Variants in PHF6 observed in about 807,000 individuals in gnomAD.
PHF6 encodes the protein PHD finger protein 6, also known as PHD-like zinc finger protein.
A neutral mutation model predicts 34.0 loss-of-function variants in PHF6; 7 were observed. The observed-to-expected ratio is 0.21, with a 90% CI of 0.12 to 0.39. The LOEUF (loss-of-function observed/expected upper bound fraction) is 0.39, where lower values mean the gene tolerates loss of function less well. PHF6 is among the 10% of genes least tolerant of loss of function. The probability of loss-of-function intolerance (pLI) is 1.00; values close to 1 mark genes in which losing one functional copy is unlikely to be tolerated. For synonymous variants in PHF6, 89 were observed against 88.4 expected, an observed-to-expected ratio of 1.01 and a Z score of -0.04; for missense variants, 128 against 262.8, an observed-to-expected ratio of 0.49 and a Z score of 3.55.
intron 5 of PHF6, among the ~76,000 whole-genome samples, chrX:134,409,586 A>G (rs1299958236): frequency 9.1e-6 from 1 of 109,755 alleles, no homozygotes; most frequent in Non-Finnish European, 1.9e-5. Flanking sequence ...AACATAGTCT[A>G]TCTCTCCATT....
chrX:134,404,025 G>T (rs1476422052), intron 5 of PHF6, among the ~76,000 whole-genome samples: 1 of 112,062 alleles, frequency 8.9e-6, no homozygotes, highest in South Asian at 3.7e-4. Flanking sequence ...CATTCATTCC[G>T]CAGTTCTTAG....
intron 3 of PHF6, among the ~76,000 whole-genome samples, chrX:134,387,196 G>C (rs947461035): frequency 5.4e-5 from 6 of 111,741 alleles, no homozygotes; most frequent in Non-Finnish European, 7.5e-5. Flanking sequence ...TGAATGTAAG[G>C]TCAAAGAGAA....
chrX:134,411,794 A>T (rs1164408710), intron 5 of PHF6, among the ~76,000 whole-genome samples: 1 of 111,508 alleles, frequency 9.0e-6, no homozygotes, highest in African/African-American at 3.3e-5. Context: ...GTGCAGTGGC[A>T]CAATCTCGGC....
rs750026737 is a variant in PHF6 at position 134,377,501 on chromosome X, C to A, written c.-46-71C>A. 5.3e-5 allele frequency: 43 copies of A among 811,837 alleles called. No individual in the cohort carries two copies. The South Asian group carries it at 7.2e-4, about 14-fold the overall frequency. 66.9% of individuals were successfully genotyped at this position (811,837 alleles called of 1,213,427 possible). Reference sequence around the variant, plus strand: ...ATTAAAACCTAGGTCAAATTTTTAACAACTTTCATGAATATGTATAAACTG... The same window carrying A: ...ATTAAAACCTAGGTCAAATTTTTAAAAACTTTCATGAATATGTATAAACTG... On this transcript the variant is annotated intron_variant, in intron 1 of 10. Transcript: ENST00000370803.
chrX:134,390,219 G>GAA (rs1569337524), intron 3 of PHF6, among the ~76,000 whole-genome samples: 2 of 111,851 alleles, frequency 1.8e-5, no homozygotes, highest in African/African-American at 3.2e-5. Flanking sequence ...GATAATTTTT[G>GAA]CTATTTTGTT....
At chrX:134,393,810 G>A in intron 4 of PHF6, 99 bp from the exon 5 acceptor site, 2 of 830,620 alleles carry the variant, frequency 2.4e-6, no homozygotes, top group Non-Finnish European at 3.6e-6. Flanking sequence ...TTTGAATCCA[G>A]CTAGTGAATT....
rs2077510793 is a variant in PHF6, at chrX:134,427,365, A to G, written c.*1705A>G. 6.2e-6 allele frequency: 1 copy of G among 160,320 alleles called. No individual in the cohort carries two copies. 13.2% of individuals were successfully genotyped at this position (160,320 alleles called of 1,213,427 possible). ...AGGATCTGTACTTTCTTTCCTTACAACAGCTTGAAAATCATTATTTTAAAA... is the reference window on the plus strand; with the variant it reads ...AGGATCTGTACTTTCTTTCCTTACAGCAGCTTGAAAATCATTATTTTAAAA... On this transcript the variant is annotated 3_prime_UTR_variant, in exon 11 of 11. Transcript: ENST00000370803.
At chrX:134,402,229 C>T (rs2124232013) in intron 5 of PHF6, among the ~76,000 whole-genome samples, 1 of 112,215 alleles carries the variant, frequency 8.9e-6, no homozygotes, top group Non-Finnish European at 1.9e-5. Context: ...CTCCTGACCT[C>T]GTGATCCGCC....
chrX:134,377,213 A>T (rs898515571), intron 1 of PHF6, among the ~76,000 whole-genome samples: 9 of 112,087 alleles, frequency 8.0e-5, no homozygotes, highest in African/African-American at 2.9e-4. Context: ...CAATTACTCT[A>T]AACTTCATTT....
chrX:134,380,700 C>T (rs1008783516), intron 3 of PHF6, among the ~76,000 whole-genome samples: 7 of 111,701 alleles, frequency 6.3e-5, no homozygotes, highest in Non-Finnish European at 1.1e-4. Flanking sequence ...TTCTCCAGGC[C>T]ATGTTTTCCT....
Position 134,377,739 on chromosome X carries a change from C to T in PHF6, c.122C>T (p.Ala41Val), listed in dbSNP as rs760978695. 1 of 1,208,623 alleles carries T rather than the reference C, an allele frequency of 8.3e-7. No homozygotes were observed. The highest frequency in any genetic ancestry group is 2.2e-5 in the Admixed American group (1 of 45,813). The change falls in exon 2 of 11, where the codon GCG (alanine) becomes GTG (valine). Residue 41 changes from alanine to valine, a missense_variant. Transcript: ENST00000370803. ...LLISENQKVA[A>V]HHKCMLFSSA... is the part of the protein sequence containing the mutation. ...ATATCTGAAAACCAGAAGGTGGCAG[C>T]GCACCATAAGTGCATGGTAAGTATA...
At chrX:134,406,106 CTTTCT>C (rs1197128082) in intron 5 of PHF6, among the ~76,000 whole-genome samples, 7 of 83,267 alleles carry the variant, frequency 8.4e-5, no homozygotes, top group African/African-American at 3.4e-4. Context: ...TTCTTTCTTT[CTTTCT>C]TTTTTTTTTT....
At chrX:134,381,197 A>G (rs2077305935) in intron 3 of PHF6, among the ~76,000 whole-genome samples, 1 of 111,040 alleles carries the variant, frequency 9.0e-6, no homozygotes, top group South Asian at 3.8e-4. Flanking sequence ...TTCCCTTAGA[A>G]TGTCAGTTTA....
chrX:134,427,859 G>A lies in PHF6; in HGVS notation c.*2199G>A. ...ATGCTGAGTAAAAGTGCCTTACAAT[G>A]TAAAAATTGTACAGTACTTATGTTC... is the stretch of plus-strand genomic sequence containing the variant. On this transcript the variant is annotated 3_prime_UTR_variant, in exon 11 of 11. Transcript: ENST00000370803. 1 of 158,798 alleles carries A rather than the reference G, an allele frequency of 6.3e-6. No homozygotes were observed. The highest frequency in any genetic ancestry group is 1.2e-5 in the Non-Finnish European group (1 of 80,878). The allele number at this position is 158,798 out of a possible 1,213,427, so 13.1% of individuals were successfully genotyped here.
chrX:134,378,994 T>C (rs1241872712), intron 3 of PHF6, among the ~76,000 whole-genome samples: 1 of 112,230 alleles, frequency 8.9e-6, no homozygotes, highest in Non-Finnish European at 1.9e-5. Context: ...AAATGCACCT[T>C]TAATAGCTTT....
At chrX:134,383,388 A>T (rs749611125) in intron 3 of PHF6, among the ~76,000 whole-genome samples, 14 of 111,642 alleles carry the variant, frequency 1.3e-4, no homozygotes, top group Admixed American at 1.0e-3. Context: ...TATTTCTCTT[A>T]ATTTAAAGCC....
intron 3 of PHF6, among the ~76,000 whole-genome samples, chrX:134,386,315 G>A (rs768529275): frequency 5.4e-5 from 6 of 111,025 alleles, no homozygotes; most frequent in African/African-American, 2.0e-4. Context: ...CTACTAAATC[G>A]TTAGAGCAGA....
At position 134,415,501 on chromosome X, in the gene PHF6, C is replaced by T. The variant is rs778593253; in HGVS notation, c.834+381C>T. On this transcript the variant is annotated intron_variant, in intron 8 of 10. Transcript: ENST00000370803. The stretch of plus-strand genomic sequence containing the variant: ...TTTAAAGAACACATACACAGGGCTG[C>T]CTCTTAAAATGTTTGTCATAGCTTT... Among the ~76,000 whole-genome samples, 4 of 111,642 alleles carry T rather than the reference C, an allele frequency of 3.6e-5. 1 individual carries two copies. The South Asian group carries it at 1.5e-3, about 42-fold the overall frequency.
chrX:134,378,930 G>C (rs1402340888), intron 3 of PHF6, among the ~76,000 whole-genome samples: 1 of 111,831 alleles, frequency 8.9e-6, no homozygotes, highest in African/African-American at 3.2e-5. Flanking sequence ...ACAATTAATG[G>C]GAAGATTTAT....
Sources: gnomAD v4.1 joint callset for allele counts (sites outside exome capture counted in the v4.1 genomes callset) on GRCh38, gnomAD v4.1.1 for gene constraint, MANE v1.5 for transcripts, NCBI Gene and HGNC (gene_info 2026-07-23, HGNC 2026-07-21) for gene names.